The following DCAF13 variants were observed in gnomAD, a reference collection of about 807,000 sequenced individuals.
The protein encoded by DCAF13 is DDB1 and CUL4 associated factor 13, also known as DDB1- and CUL4-associated factor 13.
A neutral mutation model predicts 59.0 loss-of-function variants in DCAF13; 38 were observed. The observed-to-expected ratio is 0.64, with a 90% CI of 0.50 to 0.84. The LOEUF is 0.84. DCAF13 is among the 40% of genes least tolerant of loss of function. DCAF13 has a pLI of 0.00. For missense variants in DCAF13, 469 were observed against 558.4 expected (o/e 0.84, Z 1.61); for synonymous variants, 173 against 175.0 (o/e 0.99, Z 0.09).
rs751653083 is a variant in DCAF13, at chr8:103,415,405, C to T, written c.-42C>T. ...GAGGAGGTGGCGGTGGGCGGAACTC[C>T]TAGCGGACACCTCGTGGAGTCCGGC... On this transcript the variant is annotated 5_prime_UTR_variant, in exon 1 of 11. Coordinates refer to ENST00000612750, the MANE Select transcript of DCAF13 (RefSeq NM_015420.7). The T allele has an allele frequency of 1.2e-6, 2 of 1,614,106 alleles. No individual in the cohort carries two copies. The highest frequency in any genetic ancestry group is 1.1e-5 in the South Asian group (1 of 91,082).
At chr8:103,434,296 A>G (rs1382392004) in intron 7 of DCAF13, among the ~76,000 whole-genome samples, 1 of 152,126 alleles carries the variant, frequency 6.6e-6, no homozygotes, top group Non-Finnish European at 1.5e-5. Flanking sequence ...GAGGGTTAGA[A>G]TAGATGATCC....
chr8:103,427,040 T>C, intron 4 of DCAF13, 57 bp from the exon 5 acceptor site: 2 of 1,305,662 alleles, frequency 1.5e-6, no homozygotes, highest in East Asian at 2.4e-5. Context: ...TAAAATATTA[T>C]TCTGCAGATT....
At position 103,420,478 on chromosome 8, in the gene DCAF13, A is replaced by G. The variant is rs777198875; in HGVS notation, c.270+15A>G. On this transcript the variant is annotated intron_variant, in intron 2 of 10. Transcript: ENST00000612750. ...GTGATGGAGAGGCAAGTGTCAATCT[A>G]GATGATATTTTCAACTAAAAGTAGT... 3.1e-6 allele frequency: 5 copies of G among 1,607,056 alleles called. No individual in the cohort carries two copies. Among genetic ancestry groups the G allele is most frequent in the African/African-American group, 2.7e-5 (2 of 74,820 alleles).
In DCAF13 at chr8:103,415,515, A is replaced by G; in HGVS notation, c.69A>G (p.Arg23=). The part of the protein sequence containing the change: ...YVRETKLDLQ[R]VPRNYDPALH... ...GCGAAACCAAGTTGGACTTACAGAG[A>G]GGTAAGATAAGTTGGTAGGGAGAAA... Residue 23 remains arginine, a splice_region_variant and synonymous_variant, in exon 1 of 11, where the codon AGA becomes AGG. Transcript: ENST00000612750. The G allele has an allele frequency of 1.2e-6, 2 of 1,603,750 alleles. No individual in the cohort carries two copies. The highest frequency in any genetic ancestry group is 1.7e-6 in the Non-Finnish European group (2 of 1,173,100).
At chr8:103,418,864 ATATTTTTTTTTTTTTTTTTTTTT>A (rs1203751709) in intron 1 of DCAF13, among the ~76,000 whole-genome samples, 2,644 of 27,948 alleles carry the variant, frequency 0.095, 86 homozygotes, top group Non-Finnish European at 0.11. Context: ...ATATATATAT[ATATTTTTTTTTTTTTTTTTTTTT>A]TTTTTTTTTT....
rs779845334 is a variant in DCAF13 at position 103,415,557 on chromosome 8, G to T, written c.70+41G>T. 5.1e-6 allele frequency: 8 copies of T among 1,561,754 alleles called. No individual in the cohort carries two copies. In the African/African-American group the frequency reaches 9.4e-5, roughly 18 times the overall value. ...AGGGAGAAAGGGACGGTTTCCGCAA[G>T]TCGTTGGGTCTAGCCTCGGCTTTCG... is the stretch of plus-strand genomic sequence containing the variant. On this transcript the variant is annotated intron_variant, in intron 1 of 10. Coordinates refer to ENST00000612750, the MANE Select transcript of DCAF13 (RefSeq NM_015420.7).
chr8:103,426,967 C>A (rs1186782480), intron 4 of DCAF13, 130 bp from the exon 5 acceptor site: 2 of 645,840 alleles, frequency 3.1e-6, no homozygotes, highest in Non-Finnish European at 4.9e-6. Flanking sequence ...TAAGTAAGGA[C>A]TTCAAAGAAG....
intron 6 of DCAF13, among the ~76,000 whole-genome samples, chr8:103,431,320 G>A (rs553951296): frequency 2.0e-5 from 3 of 152,186 alleles, no homozygotes; most frequent in Non-Finnish European, 4.4e-5. Flanking sequence ...AAGTAAAAGG[G>A]TATAAAGTTT....
At chr8:103,427,729 A>T (rs1816813252) in intron 5 of DCAF13, 1 of 154,390 alleles carries the variant, frequency 6.5e-6, no homozygotes, top group Admixed American at 6.5e-5. Flanking sequence ...GTAATTAGTT[A>T]TAGTTATATT....
intron 6 of DCAF13, among the ~76,000 whole-genome samples, chr8:103,432,054 A>T (rs1816872366): frequency 6.6e-6 from 1 of 152,104 alleles, no homozygotes; most frequent in Non-Finnish European, 1.5e-5. Flanking sequence ...TGCTCCATCT[A>T]CTAGTCTATC....
At position 103,426,822 on chromosome 8, in the gene DCAF13, C is replaced by T; in HGVS notation, c.469-275C>T. On this transcript the variant is annotated intron_variant, in intron 4 of 10. Coordinates refer to ENST00000612750, the MANE Select transcript of DCAF13 (RefSeq NM_015420.7). Reference sequence around the variant, plus strand: ...TTAGGTTTCAAGAAGACTAAATGTTCTTAAAGGGATAGGGGAATGGGGTAT... The same window carrying T: ...TTAGGTTTCAAGAAGACTAAATGTTTTTAAAGGGATAGGGGAATGGGGTAT... 1.3e-5 allele frequency among the ~76,000 whole-genome samples: 2 copies of T among 151,848 alleles called. 1 individual carries two copies. Among genetic ancestry groups the T allele is most frequent in the Non-Finnish European group, 2.9e-5 (2 of 67,948 alleles).
chr8:103,443,426 A>G lies in DCAF13; in HGVS notation c.*544A>G, dbSNP rs1243246827. The G allele has an allele frequency of 1.3e-5, 2 of 152,040 alleles. No homozygotes were observed. Among genetic ancestry groups the G allele is most frequent in the East Asian group, 3.9e-4 (2 of 5,192 alleles). The allele number at this position is 152,040 out of a possible 1,614,324, so 9.4% of individuals were successfully genotyped here. On this transcript the variant is annotated 3_prime_UTR_variant, in exon 11 of 11. Transcript: ENST00000612750. ...ATAATATAATTTGGGTCAAGTTAAGATATTAAAAGTTCCTTTCAGCATTGA... is the reference window on the plus strand; with the variant it reads ...ATAATATAATTTGGGTCAAGTTAAGGTATTAAAAGTTCCTTTCAGCATTGA...
At chr8:103,419,728 A>G (rs1816695827) in intron 1 of DCAF13, among the ~76,000 whole-genome samples, 1 of 152,062 alleles carries the variant, frequency 6.6e-6, no homozygotes, top group African/African-American at 2.4e-5. Flanking sequence ...TATAAAAGGG[A>G]GGCCGGGCAC....
At chr8:103,427,843 G>A (rs1196743902) in intron 5 of DCAF13, 2 of 152,332 alleles carry the variant, frequency 1.3e-5, no homozygotes, top group African/African-American at 4.8e-5. Flanking sequence ...CTGAATTTAG[G>A]AATGGAGGCT....
intron 3 of DCAF13, among the ~76,000 whole-genome samples, chr8:103,425,333 A>G (rs116761757): frequency 1.9e-4 from 29 of 152,326 alleles, no homozygotes; most frequent in East Asian, 5.8e-4. Flanking sequence ...ATGTCTGCCA[A>G]ATACCCATGT....
chr8:103,421,180 G>T, intron 3 of DCAF13, 98 bp downstream of exon 3: 1 of 868,398 alleles, frequency 1.2e-6, no homozygotes, highest in African/African-American at 1.7e-5. Context: ...TTGTTCCTAG[G>T]CCCTTTTGGA....
At chr8:103,440,429 A>T in intron 9 of DCAF13, 158 bp downstream of exon 9, 3 of 576,214 alleles carry the variant, frequency 5.2e-6, no homozygotes, top group Non-Finnish European at 5.7e-6. Flanking sequence ...TGTATTGATA[A>T]TTATTTGCTT....
At position 103,427,148 on chromosome 8, in the gene DCAF13, T is replaced by C; in HGVS notation, c.520T>C (p.Cys174Arg). The C allele has an allele frequency of 6.2e-7, 1 of 1,613,496 alleles. No individual in the cohort carries two copies. The change falls in exon 5 of 11, where the codon TGT (cysteine) becomes CGT (arginine). Residue 174 changes from cysteine (C) to arginine (R), a missense_variant. By Grantham distance (180) the Cys-to-Arg change is radical. Coordinates refer to ENST00000612750, the MANE Select transcript of DCAF13 (RefSeq NM_015420.7). ...CTGGAAAGAAGCTGTTTTTGCCACA[T>C]GTGGACAGCAAGTAGACATTTGGGA... is the stretch of plus-strand genomic sequence containing the variant. ...HHWKEAVFATCGQQVDIWDEQ... is the reference protein window; with the variant it reads ...HHWKEAVFATRGQQVDIWDEQ...
Position 103,432,720 on chromosome 8 carries a change from C to A in DCAF13, c.764C>A (p.Thr255Lys). 6.2e-7 allele frequency: 1 copy of A among 1,600,072 alleles called. No homozygotes were observed. Among genetic ancestry groups the A allele is most frequent in the Non-Finnish European group, 8.6e-7 (1 of 1,168,890 alleles). ...CWNPMEAFIF[T>K]AANEDYNLYT... ...AACCCTATGGAAGCTTTCATTTTTACAGCAGCAAATGAAGATTATAAGTAA... is the reference window on the plus strand; with the variant it reads ...AACCCTATGGAAGCTTTCATTTTTAAAGCAGCAAATGAAGATTATAAGTAA... The change falls in exon 7 of 11, where the codon ACA becomes AAA. Residue 255 changes from threonine to lysine, a missense_variant. Thr to Lys is a moderately conservative substitution (Grantham distance 78). Around this residue, in one of 3 missense-constraint regions of DCAF13, gnomAD observed 355 missense variants for 399.1 expected, o/e 0.89. Coordinates refer to ENST00000612750, the MANE Select transcript of DCAF13 (RefSeq NM_015420.7).
Sources: gnomAD v4.1 joint callset for allele counts (sites outside exome capture counted in the v4.1 genomes callset) on GRCh38, gnomAD v4.1.1 for gene constraint, gnomAD v4.1.1 regional missense constraint, MANE v1.5 for transcripts, NCBI Gene and HGNC (gene_info 2026-07-23, HGNC 2026-07-21) for gene names.